ZFX: variants seen among roughly 807,000 people sequenced by gnomAD.
ZFX encodes zinc finger X-chromosomal protein.
For missense variants in ZFX, 362 were observed against 628.3 expected, an observed-to-expected ratio of 0.58 and a Z score of 4.53; for synonymous variants, 196 against 226.8, an observed-to-expected ratio of 0.86 and a Z score of 1.22.
chrX:24,195,445 C>T (rs1160444774), intron 5 of ZFX, among the ~76,000 whole-genome samples: 1 of 110,036 alleles, frequency 9.1e-6, no homozygotes, highest in Non-Finnish European at 1.9e-5. Context: ...CTCCGCCTCC[C>T]GGGTTCACGC....
chrX:24,213,724 C>T lies in ZFX; in HGVS notation c.*2348C>T, dbSNP rs1938274509. The T allele has an allele frequency of 9.7e-6, 1 of 103,001 alleles. No individual in the cohort carries two copies. The highest frequency in any genetic ancestry group is 2.0e-5 in the Non-Finnish European group (1 of 50,637). The allele number at this position is 103,001 out of a possible 1,213,427, so 8.5% of individuals were successfully genotyped here. A position where few individuals can be genotyped will look rare whatever the true frequency, so the allele number is the denominator to read the frequency against. The stretch of plus-strand genomic sequence containing the variant: ...TAAACTAACTTACAATTTTGTGATC[C>T]GTGATTCATTGCCCTGCGATTCTTG... On this transcript the variant is annotated 3_prime_UTR_variant, in exon 10 of 10. Transcript: ENST00000304543.
At chrX:24,189,907 C>T (rs1030851042) in intron 5 of ZFX, among the ~76,000 whole-genome samples, 1 of 111,314 alleles carries the variant, frequency 9.0e-6, no homozygotes, top group Admixed American at 9.5e-5. Context: ...TATGTATGTA[C>T]CCTACCAATT....
chrX:24,180,093 G>A (rs1305796247), intron 5 of ZFX, among the ~76,000 whole-genome samples: 5 of 109,875 alleles, frequency 4.6e-5, no homozygotes, highest in South Asian at 4.0e-4. Context: ...TTAACCGGGT[G>A]TGGTGGTGGG....
At position 24,210,688 on chromosome X, in the gene ZFX, A is replaced by G. The variant is rs202145837; in HGVS notation, c.1730A>G (p.Gln577Arg). The G allele has an allele frequency of 5.0e-6, 6 of 1,209,948 alleles. No individual in the cohort carries two copies. In the Admixed American group the frequency reaches 1.1e-4, roughly 22 times the overall value. Residue 577 changes from glutamine (Q) to arginine (R), a missense_variant, in exon 10 of 10, where the codon CAA (glutamine) becomes CGA (arginine). Physicochemically the swap from Gln to Arg is conservative, Grantham distance 43 (BLOSUM62 1). Coordinates refer to ENST00000304543, the MANE Select transcript of ZFX (RefSeq NM_003410.4). The part of the protein sequence containing the change: ...MRIHTGEKPY[Q>R]CQYCEYRSAD... ...ATCCATACTGGGGAGAAGCCGTACC[A>G]ATGCCAGTACTGCGAATATAGGTCT...
At chrX:24,197,643 T>C (rs1360999738) in intron 5 of ZFX, among the ~76,000 whole-genome samples, 1 of 112,025 alleles carries the variant, frequency 8.9e-6, no homozygotes, top group Non-Finnish European at 1.9e-5. Context: ...ATGGGAGATT[T>C]TTTTCCTGAG....
At chrX:24,155,660 G>A (rs1209248429) in intron 3 of ZFX, among the ~76,000 whole-genome samples, 1 of 112,230 alleles carries the variant, frequency 8.9e-6, no homozygotes, top group Non-Finnish European at 1.9e-5. Flanking sequence ...GTTTGATCCC[G>A]TTTCTCCAAA....
chrX:24,216,148 A>G lies in ZFX; in HGVS notation c.*4772A>G, dbSNP rs1938452713. ...TACTCGAAACGAGGAGACTTAAATC[A>G]CACAGTTAATGAATTCCCAACTTGT... On this transcript the variant is annotated 3_prime_UTR_variant, in exon 10 of 10. Coordinates refer to ENST00000304543, the MANE Select transcript of ZFX (RefSeq NM_003410.4). The G allele has an allele frequency of 9.0e-6, 1 of 111,724 alleles. No individual in the cohort carries two copies. Among genetic ancestry groups the G allele is most frequent in the Non-Finnish European group, 1.9e-5 (1 of 53,174 alleles). 9.2% of individuals were successfully genotyped at this position (111,724 alleles called of 1,213,427 possible).
At chrX:24,154,637 A>G (rs1317651625) in intron 3 of ZFX, among the ~76,000 whole-genome samples, 1 of 111,741 alleles carries the variant, frequency 8.9e-6, no homozygotes, top group African/African-American at 3.3e-5. Flanking sequence ...CAGAGGCTGC[A>G]TGACATATGA....
chrX:24,180,945 A>G (rs1043481740), intron 5 of ZFX, among the ~76,000 whole-genome samples: 5 of 112,204 alleles, frequency 4.5e-5, no homozygotes, highest in Admixed American at 3.8e-4. Context: ...CTTGGTACCA[A>G]TTTCGGAGAT....
In ZFX at chrX:24,179,506, T is replaced by C. The variant is rs1208600696; in HGVS notation, c.382T>C (p.Ser128Pro). The stretch of plus-strand genomic sequence containing the variant: ...TTCTGACATTACTTCAGCCTCAATG[T>C]CTATGCCAGAACACGTCTTGACGGG... ...LASDITSASM[S>P]MPEHVLTGDS... The change falls in exon 5 of 10, where the codon TCT (serine) becomes CCT (proline). Residue 128 changes from serine (S) to proline (P), a missense_variant. Physicochemically the swap from Ser to Pro is moderately conservative, Grantham distance 74. Coordinates refer to ENST00000304543, the MANE Select transcript of ZFX (RefSeq NM_003410.4). 2 of 1,211,117 alleles carry C rather than the reference T, an allele frequency of 1.7e-6. No homozygotes were observed. Among genetic ancestry groups the C allele is most frequent in the Non-Finnish European group, 2.2e-6 (2 of 895,541 alleles).
At chrX:24,197,424 G>A (rs1204634651) in intron 5 of ZFX, among the ~76,000 whole-genome samples, 1 of 112,262 alleles carries the variant, frequency 8.9e-6, no homozygotes, top group Non-Finnish European at 1.9e-5. Context: ...AGCCACCAGA[G>A]AAGCAACAAT....
intron 3 of ZFX, chrX:24,161,949 C>A (rs1172474487): frequency 9.2e-6 from 1 of 109,038 alleles, no homozygotes; most frequent in Non-Finnish European, 1.9e-5. Flanking sequence ...ATCTACCTGC[C>A]TCAGCCTTCC....
In ZFX at chrX:24,215,326, TC is replaced by T. The variant is rs1391229701; in HGVS notation, c.*3951del. ...TTCATGTAAGGAAAAACATGGCTAATCAATATCTTAAAGGGGCAATCTTTCA... is the reference window on the plus strand; with the variant it reads ...TTCATGTAAGGAAAAACATGGCTAATAATATCTTAAAGGGGCAATCTTTCA... On this transcript the variant is annotated 3_prime_UTR_variant, in exon 10 of 10. Transcript: ENST00000304543. 8.9e-6 allele frequency: 1 copy of T among 111,885 alleles called. No homozygotes were observed. Among genetic ancestry groups the T allele is most frequent in the Admixed American group, 9.5e-5 (1 of 10,500 alleles). 9.2% of individuals were successfully genotyped at this position (111,885 alleles called of 1,213,427 possible). A position where few individuals can be genotyped will look rare whatever the true frequency, so the allele number is the denominator to read the frequency against.
chrX:24,167,829 T>C (rs747795758), intron 3 of ZFX, among the ~76,000 whole-genome samples: 1 of 111,684 alleles, frequency 9.0e-6, no homozygotes, highest in Admixed American at 9.5e-5. Context: ...TGGAGGAAAG[T>C]ATAGAAACAA....
Position 24,163,673 on chromosome X carries a change from C to T in ZFX, c.-28-9042C>T, listed in dbSNP as rs548113196. Among the ~76,000 whole-genome samples the T allele has an allele frequency of 5.7e-5, 6 of 106,103 alleles. No individual in the cohort carries two copies. In the South Asian group the frequency reaches 2.1e-3, roughly 37 times the overall value. The allele number at this position is 106,103 out of a possible 115,157, so 92.1% of individuals were successfully genotyped here. On this transcript the variant is annotated intron_variant, in intron 3 of 9. Transcript: ENST00000304543. ...GATTACAGGCATTAGTCACCATGCC[C>T]GGCCGCCTAGCTAATTTTTAAAATT...
chrX:24,187,520 A>AT (rs774894454), intron 5 of ZFX, among the ~76,000 whole-genome samples: 40 of 111,609 alleles, frequency 3.6e-4, no homozygotes, highest in African/African-American at 1.1e-3. Flanking sequence ...GGGTTTAAGC[A>AT]TTTTTTTTAT....
intron 4 of ZFX, chrX:24,177,674 T>G (rs1417187634): frequency 1.3e-6 from 1 of 747,900 alleles, no homozygotes; most frequent in Non-Finnish European, 1.6e-6. Flanking sequence ...TTGATCCTTG[T>G]ATGTCCTAGA....
intron 4 of ZFX, among the ~76,000 whole-genome samples, chrX:24,173,312 T>C (rs182815583): frequency 9.0e-6 from 1 of 111,064 alleles, no homozygotes; most frequent in East Asian, 2.8e-4. Context: ...TAAAATAACA[T>C]GTGGATCCTG....
chrX:24,180,399 G>A (rs1192583760), intron 5 of ZFX, among the ~76,000 whole-genome samples: 1 of 93,086 alleles, frequency 1.1e-5, no homozygotes, highest in African/African-American at 4.1e-5. Context: ...TTTTTTTTTC[G>A]GAGGGAGAGT....
Sources: allele counts gnomAD v4.1 joint callset (sites outside exome capture counted in the v4.1 genomes callset), GRCh38; gene constraint gnomAD v4.1.1; transcripts MANE v1.5; gene names NCBI Gene and HGNC (gene_info 2026-07-23, HGNC 2026-07-21).